GALNT18: variants seen among roughly 807,000 people sequenced by gnomAD.
GALNT18 encodes polypeptide N-acetylgalactosaminyltransferase 18, also known as GalNAc-transferase 18.
GALNT18 carries 44 observed loss-of-function variants against 69.5 expected under a neutral mutation model. The observed-to-expected ratio is 0.63, with a 90% CI of 0.50 to 0.81. The LOEUF (loss-of-function observed/expected upper bound fraction) is 0.81, where lower values mean the gene tolerates loss of function less well. Ranked by LOEUF, GALNT18 falls within the 40% of genes least tolerant of loss-of-function variation. The pLI, the probability that GALNT18 is intolerant of heterozygous loss-of-function variation, is 0.00. For missense variants in GALNT18, 715 were observed against 810.0 expected, an observed-to-expected ratio of 0.88 and a Z score of 1.42; for synonymous variants, 364 against 318.2, an observed-to-expected ratio of 1.14 and a Z score of -1.53.
intron 1 of GALNT18, among the ~76,000 whole-genome samples, chr11:11,495,828 T>C (rs1856857245): frequency 6.6e-6 from 1 of 152,162 alleles, no homozygotes; most frequent in South Asian, 2.1e-4. Context: ...GCTAGAAACA[T>C]GCCAGAGCAG....
At chr11:11,452,653 C>T (rs556513887) in intron 1 of GALNT18, among the ~76,000 whole-genome samples, 70 of 152,318 alleles carry the variant, frequency 4.6e-4, no homozygotes, top group African/African-American at 1.6e-3. Flanking sequence ...CAAAGGGGAC[C>T]ACCTTTGACA....
intron 2 of GALNT18, among the ~76,000 whole-genome samples, chr11:11,434,552 A>C (rs947889671): frequency 6.6e-6 from 1 of 152,218 alleles, no homozygotes; most frequent in Non-Finnish European, 1.5e-5. Context: ...GAATGAGATG[A>C]TGTCCTGGCA....
In GALNT18 at chr11:11,555,553, T is replaced by C. The variant is rs2133975110; in HGVS notation, c.235+65806A>G. ...TTTGAATGCCCTGGCTTTAGACTTCTAATCTCCAGAACTATGAGAGAATAA... is the reference window on the plus strand; with the variant it reads ...TTTGAATGCCCTGGCTTTAGACTTCCAATCTCCAGAACTATGAGAGAATAA... On this transcript the variant is annotated intron_variant, in intron 1 of 10. Coordinates refer to ENST00000227756, the MANE Select transcript of GALNT18 (RefSeq NM_198516.3). The surrounding 1 kb of genome is among the most constrained non-coding windows in gnomAD (Gnocchi z 4.7). Among the ~76,000 whole-genome samples the C allele has an allele frequency of 6.6e-6, 1 of 152,356 alleles. No homozygotes were observed. Among genetic ancestry groups the C allele is most frequent in the East Asian group, 1.9e-4 (1 of 5,188 alleles).
chr11:11,563,230 A>C lies in GALNT18; in HGVS notation c.235+58129T>G, dbSNP rs933312017. Reference sequence around the variant, plus strand: ...GCCATAATGTGGCTGTTCACCTTGCACCTCCCCGGATCAAGAGACTTGGCT... The same window carrying C: ...GCCATAATGTGGCTGTTCACCTTGCCCCTCCCCGGATCAAGAGACTTGGCT... On this transcript the variant is annotated intron_variant, in intron 1 of 10. Coordinates refer to ENST00000227756, the MANE Select transcript of GALNT18 (RefSeq NM_198516.3). This position sits in a 1 kb window ranked among gnomAD's most constrained non-coding sequence, Gnocchi z 4.6. 1.3e-5 allele frequency among the ~76,000 whole-genome samples: 2 copies of C among 151,546 alleles called. No homozygotes were observed. Among genetic ancestry groups the C allele is most frequent in the African/African-American group, 4.9e-5 (2 of 41,170 alleles).
chr11:11,620,177 C>T lies in GALNT18; in HGVS notation c.235+1182G>A, dbSNP rs1444769635. 6.6e-6 allele frequency among the ~76,000 whole-genome samples: 1 copy of T among 152,038 alleles called. No homozygotes were observed. Among genetic ancestry groups the T allele is most frequent in the East Asian group, 1.9e-4 (1 of 5,164 alleles). On this transcript the variant is annotated intron_variant, in intron 1 of 10. Transcript: ENST00000227756. The surrounding 1 kb of genome is among the most constrained non-coding windows in gnomAD (Gnocchi z 6.9). ...AGCCTTCAGTTCAATTCGATTTTGC[C>T]AAGGTCTGCCATGCACTGGCCCCTG...
intron 1 of GALNT18, among the ~76,000 whole-genome samples, chr11:11,519,645 T>A (rs189340779): frequency 1.3e-5 from 2 of 152,260 alleles, no homozygotes; most frequent in Non-Finnish European, 2.9e-5. Context: ...TCAACTGCCT[T>A]ATCTCCCCTC....
chr11:11,394,675 T>C (rs1854282423), intron 3 of GALNT18, among the ~76,000 whole-genome samples: 1 of 152,234 alleles, frequency 6.6e-6, no homozygotes, highest in African/African-American at 2.4e-5. Flanking sequence ...GCCTCAATCA[T>C]GGCCTCACTA....
Position 11,293,180 on chromosome 11 carries a change from G to T in GALNT18, c.1526C>A (p.Thr509Lys). The T allele has an allele frequency of 7.5e-7, 1 of 1,332,794 alleles. No homozygotes were observed. The highest frequency in any genetic ancestry group is 9.7e-7 in the Non-Finnish European group (1 of 1,031,664). The allele number at this position is 1,332,794 out of a possible 1,614,324, so 82.6% of individuals were successfully genotyped here. ...GCCCACATGGATCTGCTGACTGCTC[G>T]TGTAGTACACGTTCTGGGGGCGGAG... Reference protein sequence around the residue: ...HGMTPQNVYYTSSQQIHVGIL... With the variant: ...HGMTPQNVYYKSSQQIHVGIL... The change falls in exon 10 of 11, where the codon ACG (threonine) becomes AAG (lysine). Residue 509 changes from threonine to lysine, a missense_variant. Physicochemically the swap from Thr to Lys is moderately conservative, Grantham distance 78. Coordinates refer to ENST00000227756, the MANE Select transcript of GALNT18 (RefSeq NM_198516.3).
At chr11:11,369,343 CAGCTTTCGAT>C (rs1278784005) in intron 6 of GALNT18, among the ~76,000 whole-genome samples, 2 of 152,182 alleles carry the variant, frequency 1.3e-5, no homozygotes, top group African/African-American at 2.4e-5. Flanking sequence ...TTGCCTGTTC[CAGCTTTCGAT>C]AGCCCCAGGT....
At chr11:11,531,055 T>C (rs759261646) in intron 1 of GALNT18, among the ~76,000 whole-genome samples, 10 of 152,152 alleles carry the variant, frequency 6.6e-5, no homozygotes, top group Non-Finnish European at 1.3e-4. Context: ...CTGCCTGCAA[T>C]AGGCCTTTGC....
At chr11:11,448,266 T>A (rs1269485392) in intron 2 of GALNT18, among the ~76,000 whole-genome samples, 1 of 152,152 alleles carries the variant, frequency 6.6e-6, no homozygotes, top group Non-Finnish European at 1.5e-5. Flanking sequence ...ACATTTTCAA[T>A]AATTGGGAGT....
intron 7 of GALNT18, among the ~76,000 whole-genome samples, chr11:11,336,155 G>C (rs565591088): frequency 2.1e-4 from 32 of 152,314 alleles, no homozygotes; most frequent in African/African-American, 6.3e-4. Flanking sequence ...AAGCAGTCTA[G>C]AGCTCCTGAA....
chr11:11,548,112 C>T (rs1415683079), intron 1 of GALNT18, among the ~76,000 whole-genome samples: 1 of 152,200 alleles, frequency 6.6e-6, no homozygotes, highest in African/African-American at 2.4e-5. Context: ...TACCATTTTT[C>T]ATTTCCCAGA....
chr11:11,621,895 G>A lies in GALNT18; in HGVS notation c.-302C>T. 3.9e-6 allele frequency: 1 copy of A among 257,740 alleles called. No homozygotes were observed. The allele number at this position is 257,740 out of a possible 1,614,324, so 16.0% of individuals were successfully genotyped here. On this transcript the variant is annotated 5_prime_UTR_variant, in exon 1 of 11. Transcript: ENST00000227756. This position sits in a 1 kb window ranked among gnomAD's most constrained non-coding sequence, Gnocchi z 9.3. ...GTAGCCGGCAGCCGCGCGTCCAGAT[G>A]TGTACGTCTGGGAAACTTTGCCACT...
At chr11:11,357,867 G>A (rs1159531224) in intron 6 of GALNT18, among the ~76,000 whole-genome samples, 1 of 152,152 alleles carries the variant, frequency 6.6e-6, no homozygotes, top group Non-Finnish European at 1.5e-5. Flanking sequence ...AGAATGGTAG[G>A]TGCTTTATAA....
chr11:11,596,927 A>T lies in GALNT18; in HGVS notation c.235+24432T>A, dbSNP rs1483376650. 6.6e-6 allele frequency among the ~76,000 whole-genome samples: 1 copy of T among 152,158 alleles called. No individual in the cohort carries two copies. The highest frequency in any genetic ancestry group is 1.5e-5 in the Non-Finnish European group (1 of 68,006). On this transcript the variant is annotated intron_variant, in intron 1 of 10. Transcript: ENST00000227756. This position sits in a 1 kb window ranked among gnomAD's most constrained non-coding sequence, Gnocchi z 4.2. ...GTCTTTGACCATTAAGTATGATGTT[A>T]GTTGTGGGATTTTTTGTAGATGTTC...
chr11:11,372,676 G>A lies in GALNT18; in HGVS notation c.978-47C>T, dbSNP rs372537164. The A allele has an allele frequency of 1.1e-4, 166 of 1,454,196 alleles. No individual in the cohort carries two copies. In the African/African-American group the frequency reaches 1.7e-3, roughly 15 times the overall value. The allele number at this position is 1,454,196 out of a possible 1,614,324, so 90.1% of individuals were successfully genotyped here. ...GAAGGGCTGTCTGGTGCAGCTGTCC[G>A]AGGAGTAAGAGCAGTAAGGCCTTCC... On this transcript the variant is annotated intron_variant, in intron 5 of 10. Transcript: ENST00000227756. The surrounding 1 kb of genome is among the most constrained non-coding windows in gnomAD (Gnocchi z 4.9).
intron 3 of GALNT18, among the ~76,000 whole-genome samples, chr11:11,412,466 A>G (rs527715825): frequency 6.6e-6 from 1 of 152,296 alleles, no homozygotes; most frequent in East Asian, 1.9e-4. Context: ...TGCTCTGTCC[A>G]TCATCAGATG....
At chr11:11,419,418 G>A (rs548221935) in intron 3 of GALNT18, among the ~76,000 whole-genome samples, 15 of 151,850 alleles carry the variant, frequency 9.9e-5, no homozygotes, top group Admixed American at 9.2e-4. Flanking sequence ...CCAACATGGC[G>A]AAACCTTGTC....
Sources: allele counts gnomAD v4.1 joint callset (sites outside exome capture counted in the v4.1 genomes callset), GRCh38; gene constraint gnomAD v4.1.1; non-coding constraint Gnocchi (gnomAD v3.1); transcripts MANE v1.5; gene names NCBI Gene and HGNC (gene_info 2026-07-23, HGNC 2026-07-21).